The following ANGPTL6 variants were observed in gnomAD, a reference collection of about 807,000 sequenced individuals.
ANGPTL6 encodes the protein angiopoietin-related protein 6.
ANGPTL6 carries 45 observed loss-of-function variants against 47.4 expected under a neutral mutation model. That is an observed-to-expected ratio of 0.95 (90% confidence interval 0.75 to 1.22). ANGPTL6 has a LOEUF of 1.22. ANGPTL6 is among the 50% of genes most tolerant of loss of function. ANGPTL6 has a pLI of 0.00. For missense variants in ANGPTL6, 698 were observed against 669.4 expected (o/e 1.04, Z -0.47); for synonymous variants, 290 against 295.9 (o/e 0.98, Z 0.20).
upstream of ANGPTL6, among the ~76,000 whole-genome samples, chr19:10,104,520 A>T (rs2088770024): frequency 6.6e-6 from 1 of 152,190 alleles, no homozygotes; most frequent in Non-Finnish European, 1.5e-5. Flanking sequence ...AAGTGAGAAA[A>T]ACATTCAGGA....
At position 10,093,572 on chromosome 19, in the gene ANGPTL6, G is replaced by A. The variant is rs752586420; in HGVS notation, c.999C>T (p.Pro333=). Residue 333 remains proline, a synonymous_variant, in exon 5 of 6, where the codon CCC becomes CCT. Coordinates refer to ENST00000253109, the MANE Select transcript of ANGPTL6 (RefSeq NM_031917.3). The part of the protein sequence containing the change: ...PDGEYWLGLE[P]VYQLTSRGDH... ...CCCCACGGCTGGTCAGCTGATACAC[G>A]GGTTCAAGGCCCAGCCAGTATTCTC... is the stretch of plus-strand genomic sequence containing the variant. 1.9e-5 allele frequency: 30 copies of A among 1,613,550 alleles called. No individual in the cohort carries two copies. The highest frequency in any genetic ancestry group is 1.3e-5 in the African/African-American group (1 of 74,922).
Position 10,092,427 on chromosome 19 carries a change from G to A in ANGPTL6, c.*162C>T. ...CATCTGAGGCCAAGATATTGACGGG[G>A]GGGATTCCTGGGTCCCATTTTCAGC... On this transcript the variant is annotated 3_prime_UTR_variant, in exon 6 of 6. Coordinates refer to ENST00000253109, the MANE Select transcript of ANGPTL6 (RefSeq NM_031917.3). 6.6e-7 allele frequency: 1 copy of A among 1,515,474 alleles called. No individual in the cohort carries two copies. The highest frequency in any genetic ancestry group is 8.8e-7 in the Non-Finnish European group (1 of 1,130,930). 93.9% of individuals were successfully genotyped at this position (1,515,474 alleles called of 1,614,324 possible).
At chr19:10,104,098 A>AAAAAG (rs2088756851), upstream of ANGPTL6, among the ~76,000 whole-genome samples, 1 of 151,248 alleles carries the variant, frequency 6.6e-6, no homozygotes, top group African/African-American at 2.4e-5. Flanking sequence ...AAAAAAAAAA[A>AAAAAG]AAAGAAAAGA....
intron 3 of ANGPTL6, 39 bp downstream of exon 3, chr19:10,094,719 T>C (rs772370990): frequency 4.3e-5 from 70 of 1,613,610 alleles, no homozygotes; most frequent in Non-Finnish European, 5.8e-5. Flanking sequence ...TCCTCAATTT[T>C]CCTCTACCCA....
rs1299593327 is a variant in ANGPTL6 at position 10,096,057 on chromosome 19, C to A, written c.507G>T (p.Gln169His). Residue 169 changes from glutamine to histidine, a missense_variant, in exon 2 of 6, where the codon CAG becomes CAT. Transcript: ENST00000253109. ...QLDVKFRELAQLVTQQSSLIA... is the reference protein window; with the variant it reads ...QLDVKFRELAHLVTQQSSLIA... ...TGAGACTGCTCTGCTGGGTGACGAG[C>A]TGCGCCAGCTCGCGGAACTTGACGT... is the stretch of plus-strand genomic sequence containing the variant. 3.4e-6 allele frequency: 5 copies of A among 1,470,082 alleles called. No individual in the cohort carries two copies. Among genetic ancestry groups the A allele is most frequent in the South Asian group, 1.3e-5 (1 of 76,462 alleles). The allele number at this position is 1,470,082 out of a possible 1,614,324, so 91.1% of individuals were successfully genotyped here.
intron 2 of ANGPTL6, 25 bp from the exon 3 acceptor site, chr19:10,094,963 G>A (rs1314213594): frequency 1.6e-5 from 25 of 1,581,348 alleles, no homozygotes; most frequent in Non-Finnish European, 2.1e-5. Context: ...AAAGTCAGGT[G>A]TAATTGCACT....
intron 1 of ANGPTL6, among the ~76,000 whole-genome samples, chr19:10,098,170 C>T (rs1483976733): frequency 6.6e-6 from 1 of 152,002 alleles, no homozygotes; most frequent in East Asian, 2.0e-4. Flanking sequence ...AGGTGTGACC[C>T]ACCATGCCCT....
upstream of ANGPTL6, among the ~76,000 whole-genome samples, chr19:10,103,431 A>G (rs942313321): frequency 5.3e-5 from 8 of 151,618 alleles, no homozygotes; most frequent in East Asian, 1.4e-3. Context: ...CTCTACTAAC[A>G]ATACAAAAAT....
chr19:10,094,869 T>C lies in ANGPTL6; in HGVS notation c.652A>G (p.Arg218Gly), dbSNP rs1315489281. Residue 218 changes from arginine to glycine, a missense_variant, in exon 3 of 6, where the codon AGG becomes GGG. By Grantham distance (125) the Arg-to-Gly change is moderately radical (BLOSUM62 -2). Coordinates refer to ENST00000253109, the MANE Select transcript of ANGPTL6 (RefSeq NM_031917.3). Reference protein sequence around the residue: ...RLVGSTSDTSRMLDPAPEPQR... With the variant: ...RLVGSTSDTSGMLDPAPEPQR... ...GGCTCTGGGGCTGGGTCCAGCATCC[T>C]ACTGGTGTCACTGGTGCTACCCACA... The C allele has an allele frequency of 2.5e-6, 4 of 1,614,086 alleles. No individual in the cohort carries two copies. Among genetic ancestry groups the C allele is most frequent in the Non-Finnish European group, 2.5e-6 (3 of 1,180,040 alleles).
intron 1 of ANGPTL6, among the ~76,000 whole-genome samples, chr19:10,097,722 G>A (rs1042450163): frequency 4.6e-5 from 7 of 151,776 alleles, no homozygotes; most frequent in Admixed American, 2.0e-4. Flanking sequence ...GCGTGGTGGC[G>A]GGCACTTGTA....
upstream of ANGPTL6, chr19:10,102,793 T>C (rs2088714962): frequency 7.1e-6 from 7 of 981,850 alleles, no homozygotes; most frequent in Non-Finnish European, 8.5e-6. Flanking sequence ...ATTTCCCGAA[T>C]GAGAAATGAG....
Position 10,096,361 on chromosome 19 carries a change from C to G in ANGPTL6, c.203G>C (p.Arg68Pro). The part of the protein sequence containing the change: ...NASELAALRM[R>P]VGRHEELLRE... ...TAACAGCTCCTCGTGGCGGCCGACGCGCATGCGCAGCGCCGCCAGCTCGCT... is the reference window on the plus strand; with the variant it reads ...TAACAGCTCCTCGTGGCGGCCGACGGGCATGCGCAGCGCCGCCAGCTCGCT... The change falls in exon 2 of 6, where the codon CGC (arginine) becomes CCC (proline). Residue 68 changes from arginine to proline, a missense_variant. Physicochemically the swap from Arg to Pro is moderately radical, Grantham distance 103. Coordinates refer to ENST00000253109, the MANE Select transcript of ANGPTL6 (RefSeq NM_031917.3). The G allele has an allele frequency of 7.7e-7, 1 of 1,292,194 alleles. No individual in the cohort carries two copies. The highest frequency in any genetic ancestry group is 3.1e-5 in the East Asian group (1 of 31,874). The allele number at this position is 1,292,194 out of a possible 1,614,324, so 80.0% of individuals were successfully genotyped here.
intron 1 of ANGPTL6, among the ~76,000 whole-genome samples, chr19:10,097,870 T>A (rs558083228): frequency 6.6e-6 from 1 of 150,996 alleles, no homozygotes; most frequent in Non-Finnish European, 1.5e-5. Context: ...TAAAATAAAA[T>A]AAAATAATAA....
upstream of ANGPTL6, among the ~76,000 whole-genome samples, chr19:10,105,335 CAG>C (rs1259167498): frequency 6.6e-6 from 1 of 151,876 alleles, no homozygotes; most frequent in Admixed American, 6.6e-5. Context: ...CTGAAGAATA[CAG>C]AGAGTCAGAC....
rs1452688558 is a variant in ANGPTL6, at chr19:10,093,858, C to T, written c.786G>A (p.Glu262=). ...TCTGTTCATGGCCTGCCTGGCGGGC[C>T]TCTGCACAATCCTGCCACGGGCCTG... ...KPVGPWQDCA[E]ARQAGHEQSG... is the part of the protein sequence containing the mutation. Residue 262 remains glutamate, a synonymous_variant, in exon 4 of 6, where the codon GAG becomes GAA. Transcript: ENST00000253109. The T allele has an allele frequency of 4.3e-6, 7 of 1,610,218 alleles. No homozygotes were observed. Among genetic ancestry groups the T allele is most frequent in the African/African-American group, 1.3e-5 (1 of 74,956 alleles).
Position 10,096,194 on chromosome 19 carries a change from G to C in ANGPTL6, c.370C>G (p.Pro124Ala). ...GGCTCCGCCCCCAGATCCGCCCCCGGGCCCGCCCCGGGCCCCGCCTCGTGC... is the reference window on the plus strand; with the variant it reads ...GGCTCCGCCCCCAGATCCGCCCCCGCGCCCGCCCCGGGCCCCGCCTCGTGC... ...LQHEAGPGAG[P>A]GADLGAEPAA... Residue 124 changes from proline to alanine, a missense_variant, in exon 2 of 6, where the codon CCG becomes GCG. Transcript: ENST00000253109. 1 of 1,237,004 alleles carries C rather than the reference G, an allele frequency of 8.1e-7. No individual in the cohort carries two copies. Among genetic ancestry groups the C allele is most frequent in the Non-Finnish European group, 1.0e-6 (1 of 990,330 alleles). 76.6% of individuals were successfully genotyped at this position (1,237,004 alleles called of 1,614,324 possible).
intron 1 of ANGPTL6, 104 bp downstream of exon 1, chr19:10,102,464 C>G: frequency 2.7e-6 from 2 of 752,998 alleles, no homozygotes; most frequent in Non-Finnish European, 3.2e-6. Context: ...CTTTTACACT[C>G]TCAGCCTGGG....
intron 1 of ANGPTL6, among the ~76,000 whole-genome samples, chr19:10,097,399 AAGC>A (rs1477771300): frequency 6.6e-6 from 1 of 152,006 alleles, no homozygotes; most frequent in Non-Finnish European, 1.5e-5. Flanking sequence ...AAAAAAAAAA[AAGC>A]AGTCACTAGG....
chr19:10,096,419 A>C lies in ANGPTL6; in HGVS notation c.145T>G (p.Ser49Ala). 4 of 1,341,742 alleles carry C rather than the reference A, an allele frequency of 3.0e-6. No homozygotes were observed. Among genetic ancestry groups the C allele is most frequent in the South Asian group, 1.8e-5 (1 of 54,474 alleles). 83.1% of individuals were successfully genotyped at this position (1,341,742 alleles called of 1,614,324 possible). Residue 49 changes from serine (S) to alanine (A), a missense_variant, in exon 2 of 6, where the codon TCC becomes GCC. Ser to Ala is a moderately conservative substitution (Grantham distance 99, BLOSUM62 1). Coordinates refer to ENST00000253109, the MANE Select transcript of ANGPTL6 (RefSeq NM_031917.3). ...TGAVCWSGPA[S>A]TRATPEAANA... ...GCGGCCTCGGGCGTCGCCCGCGTGG[A>C]TGCGGGGCCGCTCCAGCACACAGCG...
Sources: allele counts gnomAD v4.1 joint callset (sites outside exome capture counted in the v4.1 genomes callset), GRCh38; gene constraint gnomAD v4.1.1; transcripts MANE v1.5; gene names NCBI Gene and HGNC (gene_info 2026-07-23, HGNC 2026-07-21).